OR11A1: variants seen among roughly 807,000 people sequenced by gnomAD.
The protein encoded by OR11A1 is olfactory receptor 11A1.
For synonymous variants in OR11A1, 158 were observed against 152.2 expected (o/e 1.04, Z -0.28); for missense variants, 380 against 378.2 (o/e 1.00, Z -0.04).
intron 1 of OR11A1, among the ~76,000 whole-genome samples, chr6:29,451,994 C>T (rs897738102): frequency 3.9e-5 from 6 of 152,136 alleles, no homozygotes; most frequent in African/African-American, 1.4e-4. Flanking sequence ...GAATACTATA[C>T]ACCCATGAAA....
chr6:29,430,175 A>T (rs1174931051), intron 3 of OR11A1, 126 bp downstream of exon 3: 1 of 537,252 alleles, frequency 1.9e-6, no homozygotes, highest in Non-Finnish European at 2.4e-6. Context: ...AATGTTTAAC[A>T]CCATGTCTTC....
At chr6:29,444,026 T>C (rs1393794193) in intron 1 of OR11A1, among the ~76,000 whole-genome samples, 1 of 151,904 alleles carries the variant, frequency 6.6e-6, no homozygotes, top group Non-Finnish European at 1.5e-5. Flanking sequence ...CCTGGTTATA[T>C]GGTTTGGCTC....
intron 1 of OR11A1, among the ~76,000 whole-genome samples, chr6:29,442,733 A>T (rs1784323470): frequency 6.6e-6 from 1 of 152,258 alleles, no homozygotes; most frequent in Admixed American, 6.5e-5. Flanking sequence ...CAATGTGGAA[A>T]ACCTCACAAC....
At chr6:29,446,401 C>A (rs1451766889) in intron 1 of OR11A1, among the ~76,000 whole-genome samples, 1 of 152,072 alleles carries the variant, frequency 6.6e-6, no homozygotes, top group African/African-American at 2.4e-5. Flanking sequence ...CTACCATAAC[C>A]ACCACCTGGT....
chr6:29,448,051 C>G (rs148296222), intron 1 of OR11A1, among the ~76,000 whole-genome samples: 1,744 of 119,656 alleles, frequency 0.015, 42 homozygotes, highest in African/African-American at 0.045. Context: ...GAGTCTAGCT[C>G]TGTCGCCCAG....
chr6:29,428,470 A>C (rs1783009663), intron 4 of OR11A1: 1 of 907,964 alleles, frequency 1.1e-6, no homozygotes, highest in Non-Finnish European at 1.3e-6. Flanking sequence ...AGAGTTGGCC[A>C]GGAGGCCGGG....
rs747257448 is a variant in OR11A1, at chr6:29,431,865, C to G, written c.-266G>C. ...AGAATTTTACAAAAATAAACGTACC[C>G]GAAATATCGACCCTGTTCTCTAAAG... On this transcript the variant is annotated splice_region_variant and 5_prime_UTR_variant, in exon 2 of 5. Coordinates refer to ENST00000377149, the MANE Select transcript of OR11A1 (RefSeq NM_001394828.1). 1.6e-5 allele frequency: 16 copies of G among 985,176 alleles called. No homozygotes were observed. Among genetic ancestry groups the G allele is most frequent in the Non-Finnish European group, 1.9e-5 (16 of 829,892 alleles). The allele number at this position is 985,176 out of a possible 1,614,324, so 61.0% of individuals were successfully genotyped here.
chr6:29,445,326 T>G (rs1784638463), intron 1 of OR11A1, among the ~76,000 whole-genome samples: 1 of 152,156 alleles, frequency 6.6e-6, no homozygotes, highest in Admixed American at 6.5e-5. Flanking sequence ...TCTTTAGCTT[T>G]GCAGAACTGA....
intron 1 of OR11A1, chr6:29,440,211 T>C: frequency 6.2e-7 from 1 of 1,613,866 alleles, no homozygotes; most frequent in Non-Finnish European, 8.5e-7. Flanking sequence ...GCGCACCCTC[T>C]CGGCCTTGGA....
At chr6:29,438,175 A>G (rs896666390) in intron 1 of OR11A1, among the ~76,000 whole-genome samples, 1 of 152,170 alleles carries the variant, frequency 6.6e-6, no homozygotes, top group African/African-American at 2.4e-5. Flanking sequence ...AAAACATTCT[A>G]TTTGACACAC....
At chr6:29,433,306 T>G (rs1361733061) in intron 1 of OR11A1, among the ~76,000 whole-genome samples, 2 of 152,192 alleles carry the variant, frequency 1.3e-5, no homozygotes, top group African/African-American at 4.8e-5. Context: ...CTGTAATTTT[T>G]GTAACCTTTG....
chr6:29,451,731 T>A (rs1176133513), intron 1 of OR11A1, among the ~76,000 whole-genome samples: 1 of 152,204 alleles, frequency 6.6e-6, no homozygotes, highest in Non-Finnish European at 1.5e-5. Flanking sequence ...CTGCTGAGAA[T>A]GTATGTTAGC....
intron 1 of OR11A1, among the ~76,000 whole-genome samples, chr6:29,445,873 C>T (rs76896681): frequency 0.051 from 7,702 of 152,114 alleles, 378 homozygotes; most frequent in African/African-American, 0.12. Context: ...TCAGGGAAGA[C>T]TAGGAAAGAG....
At chr6:29,440,115 T>G in intron 1 of OR11A1, 1 of 1,613,392 alleles carries the variant, frequency 6.2e-7, no homozygotes, top group Non-Finnish European at 8.5e-7. Flanking sequence ...TCTCACTATC[T>G]ACCTGCTGAC....
At position 29,427,458 on chromosome 6, in the gene OR11A1, A is replaced by G; in HGVS notation, c.184T>C (p.Tyr62His). Residue 62 changes from tyrosine (Y) to histidine (H), a missense_variant, in exon 5 of 5, where the codon TAT (tyrosine) becomes CAT (histidine). Tyr to His is a moderately conservative substitution (Grantham distance 83). Coordinates refer to ENST00000377149, the MANE Select transcript of OR11A1 (RefSeq NM_001394828.1). ...AAGGACAGATTCGCCAAGAAAATAT[A>G]CATGGGTTTGTGGAGCCTCTGGGAG... Reference protein sequence around the residue: ...VSSQRLHKPMYIFLANLSFLD... With the variant: ...VSSQRLHKPMHIFLANLSFLD... The G allele has an allele frequency of 6.2e-7, 1 of 1,613,134 alleles. No homozygotes were observed. The highest frequency in any genetic ancestry group is 8.5e-7 in the Non-Finnish European group (1 of 1,180,042).
intron 1 of OR11A1, among the ~76,000 whole-genome samples, chr6:29,442,484 A>G (rs1393353476): frequency 1.3e-5 from 2 of 152,222 alleles, no homozygotes; most frequent in East Asian, 3.8e-4. Flanking sequence ...TTTATTGCAA[A>G]CTTTCTATGT....
At chr6:29,434,800 T>G (rs1783506663) in intron 1 of OR11A1, among the ~76,000 whole-genome samples, 1 of 152,170 alleles carries the variant, frequency 6.6e-6, no homozygotes. Context: ...TGGTGAGAGG[T>G]TAATCCTGGG....
intron 1 of OR11A1, chr6:29,440,141 C>T (rs1431111106): frequency 1.2e-6 from 2 of 1,613,396 alleles, no homozygotes; most frequent in African/African-American, 2.7e-5. Context: ...CAGGCAATTT[C>T]CTCATTGTGG....
intron 1 of OR11A1, among the ~76,000 whole-genome samples, chr6:29,450,834 G>T (rs1196817154): frequency 6.6e-6 from 1 of 152,146 alleles, no homozygotes; most frequent in Non-Finnish European, 1.5e-5. Flanking sequence ...AACTACCCAT[G>T]ACATTTTTCA....
Sources: gnomAD v4.1 joint callset for allele counts (sites outside exome capture counted in the v4.1 genomes callset) on GRCh38, gnomAD v4.1.1 for gene constraint, MANE v1.5 for transcripts, NCBI Gene and HGNC (gene_info 2026-07-23, HGNC 2026-07-21) for gene names.